SLC28A3: variants seen among roughly 807,000 people sequenced by gnomAD.
The protein encoded by SLC28A3 is solute carrier family 28 member 3.
SLC28A3 carries 68 observed loss-of-function variants against 84.2 expected under a neutral mutation model. That is an observed-to-expected ratio of 0.81 (90% CI 0.66 to 0.99). SLC28A3 has a LOEUF of 0.99. Ranked by LOEUF, SLC28A3 falls within the 50% of genes least tolerant of loss-of-function variation. The pLI, the probability that SLC28A3 is intolerant of heterozygous loss-of-function variation, is 0.00. For missense variants in SLC28A3, 712 were observed against 841.5 expected, an observed-to-expected ratio of 0.85 and a Z score of 1.90; for synonymous variants, 267 against 303.6, an observed-to-expected ratio of 0.88 and a Z score of 1.25.
chr9:84,360,307 C>T, the SLC28A3 span, among the ~76,000 whole-genome samples: 6 of 151,854 alleles, frequency 4.0e-5, no homozygotes, highest in Non-Finnish European at 5.9e-5. Flanking sequence ...AACTAGGCCA[C>T]GGGTTGTGGC....
chr9:84,313,000 T>C (rs1826041933), intron 2 of SLC28A3, among the ~76,000 whole-genome samples: 2 of 152,304 alleles, frequency 1.3e-5, no homozygotes, highest in African/African-American at 2.4e-5. Context: ...TGCGAGTGCA[T>C]GATGGACCCA....
intron 8 of SLC28A3, among the ~76,000 whole-genome samples, chr9:84,296,542 G>GTGTT (rs1456402359): frequency 1.3e-5 from 2 of 152,222 alleles, no homozygotes; most frequent in Non-Finnish European, 2.9e-5. Context: ...TCATTGACAA[G>GTGTT]TGTTTGTAGG....
chr9:84,280,996 G>A, intron 14 of SLC28A3, 114 bp from the exon 15 acceptor site: 1 of 956,222 alleles, frequency 1.0e-6, no homozygotes, highest in East Asian at 2.6e-5. Flanking sequence ...TAAATGCACA[G>A]TCCATGGTAT....
At chr9:84,350,722 T>C in the SLC28A3 span, among the ~76,000 whole-genome samples, 2 of 152,280 alleles carry the variant, frequency 1.3e-5, no homozygotes, top group East Asian at 3.9e-4. Flanking sequence ...TCACCATAAC[T>C]TTTTTCTGAG....
chr9:84,363,974 G>A, the SLC28A3 span, among the ~76,000 whole-genome samples: 55 of 151,884 alleles, frequency 3.6e-4, no homozygotes, highest in South Asian at 8.4e-4. Context: ...TTTAATTTTT[G>A]TGGGTGCATA....
intron 1 of SLC28A3, among the ~76,000 whole-genome samples, chr9:84,338,786 T>G (rs1025099770): frequency 3.9e-5 from 6 of 152,158 alleles, no homozygotes; most frequent in African/African-American, 1.4e-4. Context: ...CTTTTCCCCC[T>G]CACTTAGCCC....
At chr9:84,328,801 G>T (rs567405152) in intron 1 of SLC28A3, among the ~76,000 whole-genome samples, 1 of 152,102 alleles carries the variant, frequency 6.6e-6, no homozygotes, top group East Asian at 1.9e-4. Flanking sequence ...AGTGACAGGT[G>T]CCTGTAGTCC....
chr9:84,287,954 C>T, intron 12 of SLC28A3, 94 bp downstream of exon 12: 1 of 1,510,060 alleles, frequency 6.6e-7, no homozygotes, highest in Non-Finnish European at 9.1e-7. Flanking sequence ...ATTCACTGTG[C>T]TTTCCGGTTA....
chr9:84,356,631 A>T, the SLC28A3 span, among the ~76,000 whole-genome samples: 1 of 152,160 alleles, frequency 6.6e-6, no homozygotes, highest in Non-Finnish European at 1.5e-5. Context: ...GGAATTCGAG[A>T]CCAGCCAGGC....
chr9:84,320,061 T>TTTTTTTTTTTTTTTTTTTTTTTTTTTTG (rs1240730185), intron 1 of SLC28A3, among the ~76,000 whole-genome samples: 1 of 137,008 alleles, frequency 7.3e-6, no homozygotes, highest in African/African-American at 2.9e-5. Flanking sequence ...TTTTTTTTTT[T>TTTTTTTTTTTTTTTTTTTTTTTTTTTTG]TTTTTTGAGA....
chr9:84,315,720 T>C lies in SLC28A3; in HGVS notation c.61-2266A>G, dbSNP rs563102516. On this transcript the variant is annotated intron_variant, in intron 1 of 17. Coordinates refer to ENST00000376238, the MANE Select transcript of SLC28A3 (RefSeq NM_001199633.2). Reference sequence around the variant, plus strand: ...TCCAACAGAATTAGTGGGGTTATTGTGGATATTGACTGGTACCTGGAAAAT... The same window carrying C: ...TCCAACAGAATTAGTGGGGTTATTGCGGATATTGACTGGTACCTGGAAAAT... Among the ~76,000 whole-genome samples the C allele has an allele frequency of 2.6e-5, 4 of 152,330 alleles. No homozygotes were observed. The South Asian group carries it at 8.3e-4, about 32-fold the overall frequency.
chr9:84,299,761 G>T, intron 5 of SLC28A3, 36 bp from the exon 6 acceptor site: 1 of 1,547,410 alleles, frequency 6.5e-7, no homozygotes, highest in Non-Finnish European at 8.7e-7. Context: ...GGCATCATTT[G>T]TTGTGCTAAC....
chr9:84,367,691 A>G, the SLC28A3 span, among the ~76,000 whole-genome samples: 1 of 152,182 alleles, frequency 6.6e-6, no homozygotes, highest in African/African-American at 2.4e-5. Context: ...GATGGGGAGA[A>G]GGTCAGCAGG....
intron 11 of SLC28A3, among the ~76,000 whole-genome samples, chr9:84,289,427 G>C (rs995941860): frequency 6.6e-6 from 1 of 152,188 alleles, no homozygotes; most frequent in Non-Finnish European, 1.5e-5. Context: ...GCACGCACCA[G>C]TTATAACATT....
At chr9:84,330,989 A>C (rs796799684) in intron 1 of SLC28A3, among the ~76,000 whole-genome samples, 10 of 152,280 alleles carry the variant, frequency 6.6e-5, no homozygotes, top group African/African-American at 2.2e-4. Flanking sequence ...CCAGTGCCTC[A>C]ACACTGATGA....
the SLC28A3 span, among the ~76,000 whole-genome samples, chr9:84,358,603 T>A: frequency 2.0e-5 from 3 of 152,220 alleles, no homozygotes; most frequent in Non-Finnish European, 4.4e-5. Flanking sequence ...TACTATAGAC[T>A]TAATTTCCTC....
At chr9:84,300,045 G>A (rs1825568200) in intron 5 of SLC28A3, among the ~76,000 whole-genome samples, 1 of 152,196 alleles carries the variant, frequency 6.6e-6, no homozygotes, top group African/African-American at 2.4e-5. Flanking sequence ...GCCCGCCTCG[G>A]CCTCCCAAAG....
chr9:84,305,363 A>C lies in SLC28A3; in HGVS notation c.243-18T>G, dbSNP rs2118342451. On this transcript the variant is annotated intron_variant, in intron 3 of 17. Coordinates refer to ENST00000376238, the MANE Select transcript of SLC28A3 (RefSeq NM_001199633.2). ...CCAAACACCTGCAACATAAAAGCAA[A>C]AAGGCAGGGAGAAGTAAACACCAAA... The C allele has an allele frequency of 6.2e-7, 1 of 1,604,330 alleles. No homozygotes were observed.
At chr9:84,320,545 C>T (rs1826341123) in intron 1 of SLC28A3, among the ~76,000 whole-genome samples, 2 of 152,116 alleles carry the variant, frequency 1.3e-5, no homozygotes, top group African/African-American at 4.8e-5. Flanking sequence ...CTTTCCTGTG[C>T]TGTATCAGCC....
Sources: allele counts gnomAD v4.1 joint callset (sites outside exome capture counted in the v4.1 genomes callset), GRCh38; gene constraint gnomAD v4.1.1; transcripts MANE v1.5; gene names NCBI Gene and HGNC (gene_info 2026-07-23, HGNC 2026-07-21).